OSBPL8: variants seen among roughly 807,000 people sequenced by gnomAD.
OSBPL8 encodes oxysterol-binding protein-related protein 8.
Under a neutral mutation model 125.5 loss-of-function variants are expected in OSBPL8, and 59 were observed. The observed-to-expected ratio is 0.47, with a 90% CI of 0.38 to 0.58. The LOEUF (loss-of-function observed/expected upper bound fraction) is 0.58, where lower values mean the gene tolerates loss of function less well. Among genes scored for constraint, OSBPL8 ranks in the 20% least tolerant of loss-of-function variants. OSBPL8 has a pLI of 0.00. For synonymous variants in OSBPL8, 330 were observed against 338.9 expected (o/e 0.97, Z 0.29); for missense variants, 758 against 1,047.8 (o/e 0.72, Z 3.82).
chr12:76,470,565 A>C (rs1412848114), intron 2 of OSBPL8, among the ~76,000 whole-genome samples: 1 of 152,220 alleles, frequency 6.6e-6, no homozygotes, highest in African/African-American at 2.4e-5. Flanking sequence ...TTATATAGAG[A>C]TATGTGAGCC....
intron 9 of OSBPL8, among the ~76,000 whole-genome samples, chr12:76,393,088 T>C (rs1953632132): frequency 6.6e-6 from 1 of 152,224 alleles, no homozygotes; most frequent in Non-Finnish European, 1.5e-5. Context: ...TGAGGATTTA[T>C]GATTCTACTA....
intron 6 of OSBPL8, among the ~76,000 whole-genome samples, chr12:76,402,214 T>C (rs888350624): frequency 2.6e-5 from 4 of 152,164 alleles, no homozygotes; most frequent in African/African-American, 9.6e-5. Flanking sequence ...CTATGGCCAC[T>C]CAGGAAGGTA....
intron 1 of OSBPL8, among the ~76,000 whole-genome samples, chr12:76,532,598 C>T (rs964893639): frequency 2.0e-5 from 3 of 151,934 alleles, no homozygotes; most frequent in Non-Finnish European, 2.9e-5. Context: ...TTAACCTGTC[C>T]GGACCCATTT....
intron 17 of OSBPL8, among the ~76,000 whole-genome samples, chr12:76,375,002 C>T (rs989090578): frequency 2.6e-5 from 4 of 152,152 alleles, no homozygotes; most frequent in African/African-American, 9.7e-5. Flanking sequence ...TAAATCTCAT[C>T]TTCTATATAA....
intron 2 of OSBPL8, among the ~76,000 whole-genome samples, chr12:76,486,631 T>G (rs1483833943): frequency 3.3e-5 from 5 of 152,248 alleles, no homozygotes; most frequent in Non-Finnish European, 5.9e-5. Context: ...GATTTTGTTT[T>G]AATGTATTAG....
intron 2 of OSBPL8, among the ~76,000 whole-genome samples, chr12:76,474,410 T>A (rs571828095): frequency 1.3e-5 from 2 of 151,984 alleles, no homozygotes; most frequent in African/African-American, 4.8e-5. Context: ...AATTTATATA[T>A]ACGCACTTGT....
intron 15 of OSBPL8, among the ~76,000 whole-genome samples, chr12:76,381,940 G>A (rs1953075067): frequency 6.6e-6 from 1 of 151,944 alleles, no homozygotes; most frequent in African/African-American, 2.4e-5. Flanking sequence ...TCACCATTTT[G>A]GCCTGGCTAG....
At chr12:76,480,099 A>C (rs1270212600) in intron 2 of OSBPL8, among the ~76,000 whole-genome samples, 1 of 143,880 alleles carries the variant, frequency 7.0e-6, no homozygotes, top group South Asian at 2.3e-4. Flanking sequence ...CCCAGGAGGC[A>C]GAGGTTGCAG....
chr12:76,492,702 G>A (rs1878850282), intron 1 of OSBPL8, among the ~76,000 whole-genome samples: 1 of 152,186 alleles, frequency 6.6e-6, no homozygotes, highest in Non-Finnish European at 1.5e-5. Context: ...GTCTGTAACT[G>A]TCTCCCGTAC....
At chr12:76,437,974 ACTT>A (rs199673572) in intron 4 of OSBPL8, among the ~76,000 whole-genome samples, 1,762 of 151,976 alleles carry the variant, frequency 0.012, 39 homozygotes, top group African/African-American at 0.037. Flanking sequence ...ATTAAGTAAA[ACTT>A]CTTCTTTTTT....
intron 17 of OSBPL8, among the ~76,000 whole-genome samples, chr12:76,373,949 G>A (rs896107434): frequency 1.3e-5 from 2 of 152,024 alleles, no homozygotes; most frequent in East Asian, 1.9e-4. Context: ...TCTCTCCTTA[G>A]AGACAAAATT....
chr12:76,403,846 T>G (rs1245707552), intron 5 of OSBPL8, among the ~76,000 whole-genome samples: 2 of 152,128 alleles, frequency 1.3e-5, no homozygotes, highest in Non-Finnish European at 1.5e-5. Flanking sequence ...TAAGAACAGA[T>G]AACACATTTA....
chr12:76,491,918 T>C (rs1878760960), intron 1 of OSBPL8, among the ~76,000 whole-genome samples: 3 of 152,172 alleles, frequency 2.0e-5, no homozygotes, highest in Admixed American at 6.5e-5. Context: ...ATTTTACTGA[T>C]TTTTTTCATG....
chr12:76,469,700 T>C (rs1015776940), intron 2 of OSBPL8, among the ~76,000 whole-genome samples: 36 of 152,214 alleles, frequency 2.4e-4, no homozygotes, highest in African/African-American at 8.7e-4. Context: ...CTCTCTATCC[T>C]TCTTACCCTG....
rs527260313 is a variant in OSBPL8, at chr12:76,535,384, G to C, written c.-68+24013C>G. Among the ~76,000 whole-genome samples the C allele has an allele frequency of 4.6e-5, 7 of 152,046 alleles. 1 individual carries two copies. Among genetic ancestry groups the C allele is most frequent in the Admixed American group, 4.6e-4 (7 of 15,266 alleles). On this transcript the variant is annotated intron_variant, in intron 1 of 23. Coordinates refer to ENST00000261183, the MANE Select transcript of OSBPL8 (RefSeq NM_020841.5). ...TTACTACCACAGTCATCAGCGAAAC[G>C]CAAATGAAAAACCACAATGAGATAC... is the stretch of plus-strand genomic sequence containing the variant.
chr12:76,405,580 A>T (rs1185155727), intron 5 of OSBPL8, among the ~76,000 whole-genome samples: 1 of 152,176 alleles, frequency 6.6e-6, no homozygotes, highest in Non-Finnish European at 1.5e-5. Flanking sequence ...AGCTTGGTAA[A>T]CCGCCCTCAA....
intron 1 of OSBPL8, among the ~76,000 whole-genome samples, chr12:76,491,648 C>T (rs915838447): frequency 3.3e-5 from 5 of 152,292 alleles, no homozygotes; most frequent in African/African-American, 1.2e-4. Context: ...TCTTCAAGGA[C>T]AGAGGCTATT....
chr12:76,416,178 C>T (rs1168758474), intron 4 of OSBPL8, among the ~76,000 whole-genome samples: 1 of 151,892 alleles, frequency 6.6e-6, no homozygotes, highest in Admixed American at 6.6e-5. Context: ...ATCCATGAGG[C>T]ATTTAGAAAT....
At chr12:76,462,392 G>T (rs1874845995) in intron 2 of OSBPL8, among the ~76,000 whole-genome samples, 1 of 152,022 alleles carries the variant, frequency 6.6e-6, no homozygotes, top group Non-Finnish European at 1.5e-5. Flanking sequence ...ATACAAATCT[G>T]ATTCTATTGG....
Sources: gnomAD v4.1 joint callset for allele counts (sites outside exome capture counted in the v4.1 genomes callset) on GRCh38, gnomAD v4.1.1 for gene constraint, MANE v1.5 for transcripts, NCBI Gene and HGNC (gene_info 2026-07-23, HGNC 2026-07-21) for gene names.